The following TENM2 variants were observed in gnomAD, a reference collection of about 807,000 sequenced individuals.
The protein encoded by TENM2 is teneurin-2.
TENM2 carries 52 observed loss-of-function variants against 245.2 expected under a neutral mutation model. That is an observed-to-expected ratio of 0.21 (90% CI 0.17 to 0.27). The LOEUF (loss-of-function observed/expected upper bound fraction) is 0.27, where lower values mean the gene tolerates loss of function less well. Ranked by LOEUF, TENM2 falls within the 10% of genes least tolerant of loss-of-function variation. The probability of loss-of-function intolerance (pLI) is 1.00; values close to 1 mark genes in which losing one functional copy is unlikely to be tolerated. For missense variants in TENM2, 3,046 were observed against 3,666.8 expected (o/e 0.83, Z 4.37); for synonymous variants, 1,363 against 1,438.9 (o/e 0.95, Z 1.19).
chr5:167,417,411 C>T (rs1328154024), intron 2 of TENM2, among the ~76,000 whole-genome samples: 1 of 152,116 alleles, frequency 6.6e-6, no homozygotes, highest in East Asian at 1.9e-4. Context: ...TACTGAATTG[C>T]CAGATGGATC....
At chr5:167,764,855 T>G (rs1762904484) in intron 2 of TENM2, among the ~76,000 whole-genome samples, 1 of 152,144 alleles carries the variant, frequency 6.6e-6, no homozygotes, top group Admixed American at 6.5e-5. Flanking sequence ...CTGGGCAAAT[T>G]GCTATGCTGA....
intron 2 of TENM2, among the ~76,000 whole-genome samples, chr5:167,463,226 A>G (rs921369827): frequency 8.5e-5 from 13 of 152,172 alleles, no homozygotes; most frequent in East Asian, 3.9e-4. Context: ...TAAATTGCCA[A>G]TATAACCATG....
the TENM2 span, among the ~76,000 whole-genome samples, chr5:166,986,870 G>C: frequency 6.6e-6 from 1 of 152,020 alleles, no homozygotes; most frequent in African/African-American, 2.4e-5. Flanking sequence ...TCTTGGGAGT[G>C]GTTTGATGCT....
the TENM2 span, among the ~76,000 whole-genome samples, chr5:167,036,665 C>G: frequency 6.6e-6 from 1 of 152,174 alleles, no homozygotes; most frequent in African/African-American, 2.4e-5. Flanking sequence ...CTTCTCCTAC[C>G]TGTTATTTTG....
chr5:167,714,157 T>C (rs1172669416), intron 2 of TENM2, among the ~76,000 whole-genome samples: 1 of 151,928 alleles, frequency 6.6e-6, no homozygotes, highest in Admixed American at 6.6e-5. Context: ...TAGCCAGGAG[T>C]GTGATCACAA....
At chr5:167,064,106 T>C in the TENM2 span, among the ~76,000 whole-genome samples, 2 of 152,276 alleles carry the variant, frequency 1.3e-5, no homozygotes, top group East Asian at 3.9e-4. Flanking sequence ...ACAGACCTAA[T>C]ATATTGAGGG....
chr5:168,133,491 C>G (rs1338910699), intron 12 of TENM2, among the ~76,000 whole-genome samples: 2 of 152,192 alleles, frequency 1.3e-5, no homozygotes, highest in African/African-American at 4.8e-5. Context: ...CTAATGCAAT[C>G]AAGCCTTTCT....
chr5:167,417,857 A>G (rs79957016), intron 2 of TENM2, among the ~76,000 whole-genome samples: 1,766 of 152,260 alleles, frequency 0.012, 48 homozygotes, highest in African/African-American at 0.04. Context: ...TTTGCATTCA[A>G]TATTCATCTT....
chr5:167,610,928 C>T (rs918814489), intron 2 of TENM2, among the ~76,000 whole-genome samples: 1 of 152,122 alleles, frequency 6.6e-6, no homozygotes, highest in African/African-American at 2.4e-5. Context: ...TGCATTCATT[C>T]GTCAAATTTT....
chr5:167,144,658 G>A, the TENM2 span, among the ~76,000 whole-genome samples: 19 of 152,210 alleles, frequency 1.2e-4, no homozygotes, highest in Non-Finnish European at 2.6e-4. Flanking sequence ...CTTCCTTTTG[G>A]AGAATATTGC....
the TENM2 span, among the ~76,000 whole-genome samples, chr5:167,186,291 G>A: frequency 0.023 from 3,492 of 152,182 alleles, 127 homozygotes; most frequent in African/African-American, 0.08. Flanking sequence ...TAATATAGAC[G>A]TATTGCCTGA....
chr5:167,514,140 T>C (rs1014085395), intron 2 of TENM2, among the ~76,000 whole-genome samples: 1 of 152,196 alleles, frequency 6.6e-6, no homozygotes, highest in Non-Finnish European at 1.5e-5. Context: ...ACTTACAGAA[T>C]CGCAATATTC....
At chr5:167,744,426 C>G (rs1317526985) in intron 2 of TENM2, among the ~76,000 whole-genome samples, 3 of 152,162 alleles carry the variant, frequency 2.0e-5, no homozygotes, top group Non-Finnish European at 4.4e-5. Context: ...CTAGCCATGA[C>G]TGAGTTATGG....
At chr5:167,705,836 G>A (rs928539395) in intron 2 of TENM2, among the ~76,000 whole-genome samples, 1 of 151,538 alleles carries the variant, frequency 6.6e-6, no homozygotes, top group African/African-American at 2.4e-5. Context: ...GACTATTTTA[G>A]ATTTACCATA....
chr5:167,793,843 A>G (rs960686977), intron 2 of TENM2, among the ~76,000 whole-genome samples: 10 of 151,878 alleles, frequency 6.6e-5, no homozygotes, highest in Non-Finnish European at 1.2e-4. Context: ...AAAAAAAAGA[A>G]AAAAAAAGAA....
chr5:167,442,564 TTTC>T (rs1764933282), intron 2 of TENM2, among the ~76,000 whole-genome samples: 1 of 146,370 alleles, frequency 6.8e-6, no homozygotes, highest in Non-Finnish European at 1.5e-5. Context: ...AAGTTGAACT[TTTC>T]TTGCCAATTT....
At chr5:168,029,472 T>C (rs1395575494) in intron 5 of TENM2, among the ~76,000 whole-genome samples, 2 of 152,078 alleles carry the variant, frequency 1.3e-5, no homozygotes. Flanking sequence ...AAAGAGGAAT[T>C]CACCCTAGGA....
intron 2 of TENM2, among the ~76,000 whole-genome samples, chr5:167,455,642 C>A (rs758437716): frequency 2.8e-4 from 43 of 151,726 alleles, no homozygotes; most frequent in Admixed American, 1.4e-3. Flanking sequence ...ATATGCTGTC[C>A]CAGTTATCTT....
At chr5:168,029,547 G>C (rs77771262) in intron 5 of TENM2, among the ~76,000 whole-genome samples, 9,180 of 152,226 alleles carry the variant, frequency 0.06, 616 homozygotes, top group African/African-American at 0.16. Context: ...TGGATCCGCT[G>C]GCTTTGGGCA....
Sources: allele counts gnomAD v4.1 joint callset (sites outside exome capture counted in the v4.1 genomes callset), GRCh38; gene constraint gnomAD v4.1.1; transcripts MANE v1.5; gene names NCBI Gene and HGNC (gene_info 2026-07-23, HGNC 2026-07-21).